The following WDR27 variants were observed in gnomAD, a reference collection of about 807,000 sequenced individuals.
WDR27 encodes WD repeat domain 27, also known as WD repeat-containing protein 27.
WDR27 carries 100 observed loss-of-function variants against 114.4 expected under a neutral mutation model. That is an observed-to-expected ratio of 0.87 (90% CI 0.74 to 1.03). WDR27 has a LOEUF of 1.03. Ranked by LOEUF, WDR27 falls within the 50% of genes least tolerant of loss-of-function variation. The pLI is 0.00. For missense variants in WDR27, 1,129 were observed against 1,092.9 expected, an observed-to-expected ratio of 1.03 and a Z score of -0.47; for synonymous variants, 449 against 423.1, an observed-to-expected ratio of 1.06 and a Z score of -0.75.
At chr6:169,606,481 A>G (rs757587521) in intron 22 of WDR27, among the ~76,000 whole-genome samples, 2 of 152,178 alleles carry the variant, frequency 1.3e-5, no homozygotes, top group Non-Finnish European at 2.9e-5. Context: ...CTCCGCTGAC[A>G]GGCCCCAGTG....
In WDR27 at chr6:169,479,091, A is replaced by C. The variant is rs541296455; in HGVS notation, c.2646-21457T>G. ...TAATGAAATGAAATAGCTTCTGTAC[A>C]GCAAAAGAAACTCTCAACAAAGCAA... On this transcript the variant is annotated intron_variant, in intron 25 of 25. Transcript: ENST00000448612. 6.6e-5 allele frequency among the ~76,000 whole-genome samples: 10 copies of C among 152,332 alleles called. No homozygotes were observed. In the East Asian group the frequency reaches 1.7e-3, roughly 26 times the overall value.
At chr6:169,495,625 T>C (rs1790303509) in intron 25 of WDR27, among the ~76,000 whole-genome samples, 1 of 151,988 alleles carries the variant, frequency 6.6e-6, no homozygotes, top group Admixed American at 6.6e-5. Context: ...TAAAAAGCAT[T>C]ATAAGAGAGC....
intron 23 of WDR27, among the ~76,000 whole-genome samples, chr6:169,593,304 C>A (rs146983396): frequency 5.3e-5 from 8 of 152,128 alleles, no homozygotes; most frequent in Non-Finnish European, 8.8e-5. Context: ...ATTTCTTCTA[C>A]GAAAAGTGGC....
At chr6:169,607,427 TA>T (rs1562682066) in intron 22 of WDR27, among the ~76,000 whole-genome samples, 2 of 10,262 alleles carry the variant, frequency 1.9e-4, no homozygotes, top group East Asian at 6.0e-3. Flanking sequence ...CACACACATA[TA>T]ATATAATATT....
intron 25 of WDR27, among the ~76,000 whole-genome samples, chr6:169,539,177 C>T (rs1796547140): frequency 6.6e-6 from 1 of 152,272 alleles, no homozygotes; most frequent in Admixed American, 6.5e-5. Context: ...CGTCGCACAG[C>T]CCCCTGGTCT....
At chr6:169,618,638 A>AC (rs1812427651) in intron 21 of WDR27, among the ~76,000 whole-genome samples, 1 of 151,376 alleles carries the variant, frequency 6.6e-6, no homozygotes. Flanking sequence ...AAAAAAAAAA[A>AC]AAAAAAAAAA....
downstream of WDR27, among the ~76,000 whole-genome samples, chr6:169,455,192 G>C (rs1234727697): frequency 6.6e-6 from 1 of 152,202 alleles, no homozygotes; most frequent in Non-Finnish European, 1.5e-5. Context: ...TGATCAAGTC[G>C]ACAGACTTTG....
At chr6:169,561,600 T>G (rs1002712629) in intron 25 of WDR27, among the ~76,000 whole-genome samples, 1 of 149,278 alleles carries the variant, frequency 6.7e-6, no homozygotes, top group Non-Finnish European at 1.5e-5. Context: ...AGATGATAAA[T>G]GGAAATACAA....
chr6:169,449,167 A>G, the WDR27 span, among the ~76,000 whole-genome samples: 1 of 152,302 alleles, frequency 6.6e-6, no homozygotes, highest in East Asian at 1.9e-4. Flanking sequence ...TATAGAATGT[A>G]GCCTACAGAG....
chr6:169,625,745 G>A (rs2128206237), intron 21 of WDR27, among the ~76,000 whole-genome samples: 1 of 152,312 alleles, frequency 6.6e-6, no homozygotes, highest in East Asian at 1.9e-4. Context: ...TCTCACGCCG[G>A]CACCCCTACT....
At chr6:169,625,877 CCT>C (rs1251395197) in intron 21 of WDR27, among the ~76,000 whole-genome samples, 1 of 152,124 alleles carries the variant, frequency 6.6e-6, no homozygotes, top group Non-Finnish European at 1.5e-5. Context: ...GGGAGCTGGC[CCT>C]GATGCCCTCC....
intron 21 of WDR27, among the ~76,000 whole-genome samples, chr6:169,624,247 C>T (rs1814197966): frequency 6.7e-6 from 1 of 149,276 alleles, no homozygotes; most frequent in Admixed American, 6.7e-5. Flanking sequence ...CCATGTGGGG[C>T]GTCAGGTGCG....
In WDR27 at chr6:169,702,007, G is replaced by A. The variant is rs950495288; in HGVS notation, c.-464C>T. On this transcript the variant is annotated 5_prime_UTR_variant, in exon 1 of 26. Coordinates refer to ENST00000448612, the MANE Select transcript of WDR27 (RefSeq NM_182552.5). Reference sequence around the variant, plus strand: ...TCGCCGCTATGGTTACTTGCCAGCCGACCCACGCGAGCCGCTATGGTTACT... The same window carrying A: ...TCGCCGCTATGGTTACTTGCCAGCCAACCCACGCGAGCCGCTATGGTTACT... The A allele has an allele frequency of 4.2e-5, 18 of 425,770 alleles. No homozygotes were observed. Among genetic ancestry groups the A allele is most frequent in the African/African-American group, 2.6e-4 (13 of 49,180 alleles). 26.4% of individuals were successfully genotyped at this position (425,770 alleles called of 1,614,324 possible). A position where few individuals can be genotyped will look rare whatever the true frequency, so the allele number is the denominator to read the frequency against.
intron 25 of WDR27, among the ~76,000 whole-genome samples, chr6:169,491,422 T>G (rs889078558): frequency 6.6e-6 from 1 of 152,110 alleles, no homozygotes; most frequent in Admixed American, 6.5e-5. Context: ...TTATTCAATA[T>G]CTAAATGAAA....
In WDR27 at chr6:169,525,247, C is replaced by T. The variant is rs568603375; in HGVS notation, c.2645+47172G>A. On this transcript the variant is annotated intron_variant, in intron 25 of 25. Transcript: ENST00000448612. Reference sequence around the variant, plus strand: ...ATATCATTTCACCCCGGTTAAAATGCTTTTATCGGCCAGGCGTGGTGGTTT... The same window carrying T: ...ATATCATTTCACCCCGGTTAAAATGTTTTTATCGGCCAGGCGTGGTGGTTT... Among the ~76,000 whole-genome samples, 18 of 152,142 alleles carry T rather than the reference C, an allele frequency of 1.2e-4. No homozygotes were observed. The East Asian group carries it at 3.3e-3, about 28-fold the overall frequency.
Position 169,647,757 on chromosome 6 carries a change from G to A in WDR27, c.1657+16C>T, listed in dbSNP as rs766199456. ...TACAATGAAATGCTACCCAGCTCCC[G>A]CAGGACGTGGCGCACCTGAGTACTG... On this transcript the variant is annotated intron_variant, in intron 16 of 25. Transcript: ENST00000448612. 17 of 1,560,384 alleles carry A rather than the reference G, an allele frequency of 1.1e-5. No individual in the cohort carries two copies. The highest frequency in any genetic ancestry group is 7.1e-5 in the South Asian group (6 of 84,822).
At chr6:169,445,848 G>A in the WDR27 span, among the ~76,000 whole-genome samples, 29 of 152,240 alleles carry the variant, frequency 1.9e-4, no homozygotes, top group Admixed American at 2.0e-4. Flanking sequence ...GGCAATAGCC[G>A]GTGACGCCTG....
At position 169,506,631 on chromosome 6, in the gene WDR27, G is replaced by T. The variant is rs16888087; in HGVS notation, c.2646-48997C>A. ...AAGCACATGAGTAGGGTAAAAACAT[G>T]GTCATTACAGATTAGCTGTACACCT... On this transcript the variant is annotated intron_variant, in intron 25 of 25. Transcript: ENST00000448612. Among the ~76,000 whole-genome samples, 839 of 152,272 alleles carry T rather than the reference G, an allele frequency of 5.5e-3. 15 individuals carry two copies. Among genetic ancestry groups the T allele is most frequent in the African/African-American group, 0.02 (815 of 41,552 alleles).
chr6:169,453,816 A>G (rs1784247002), downstream of WDR27, among the ~76,000 whole-genome samples: 2 of 152,214 alleles, frequency 1.3e-5, no homozygotes, highest in Admixed American at 1.3e-4. Flanking sequence ...AGATAATTTC[A>G]TAGCTTAAGG....
Sources: allele counts gnomAD v4.1 joint callset (sites outside exome capture counted in the v4.1 genomes callset), GRCh38; gene constraint gnomAD v4.1.1; transcripts MANE v1.5; gene names NCBI Gene and HGNC (gene_info 2026-07-23, HGNC 2026-07-21).